HEMK2: variants seen among roughly 807,000 people sequenced by gnomAD.
The protein encoded by HEMK2 is methyltransferase HEMK2.
chr21:28,845,421 C>T, the HEMK2 span, among the ~76,000 whole-genome samples: 1 of 151,990 alleles, frequency 6.6e-6, no homozygotes, highest in Non-Finnish European at 1.5e-5. Context: ...AGCATTTATT[C>T]TTCAGTATAA....
the HEMK2 span, among the ~76,000 whole-genome samples, chr21:28,582,941 G>A: frequency 6.6e-6 from 1 of 152,092 alleles, no homozygotes; most frequent in Non-Finnish European, 1.5e-5. Flanking sequence ...AACCATCAGG[G>A]TTTTACAGAA....
At chr21:28,847,211 G>T in the HEMK2 span, among the ~76,000 whole-genome samples, 4 of 152,146 alleles carry the variant, frequency 2.6e-5, no homozygotes, top group African/African-American at 9.6e-5. Context: ...CGCTTTCCAC[G>T]GTGGCTGAAT....
At chr21:28,803,239 ATTAACC>A in the HEMK2 span, among the ~76,000 whole-genome samples, 2 of 152,200 alleles carry the variant, frequency 1.3e-5, no homozygotes, top group Non-Finnish European at 2.9e-5. Flanking sequence ...TTCCTAAGCA[ATTAACC>A]TGAATATATA....
chr21:28,580,213 A>T, the HEMK2 span, among the ~76,000 whole-genome samples: 1 of 152,258 alleles, frequency 6.6e-6, no homozygotes, highest in Admixed American at 6.5e-5. Context: ...CCTCTAAGAG[A>T]AGCAAGCCAT....
the HEMK2 span, among the ~76,000 whole-genome samples, chr21:28,623,595 CA>C: frequency 6.6e-6 from 1 of 152,182 alleles, no homozygotes; most frequent in Non-Finnish European, 1.5e-5. Flanking sequence ...AAATGCCCAT[CA>C]GTGATGGACT....
At chr21:28,725,804 C>T in the HEMK2 span, among the ~76,000 whole-genome samples, 1 of 152,188 alleles carries the variant, frequency 6.6e-6, no homozygotes, top group Non-Finnish European at 1.5e-5. Context: ...TTTCAAAAGA[C>T]ATTGTACCCC....
the HEMK2 span, among the ~76,000 whole-genome samples, chr21:28,641,874 T>C: frequency 6.6e-6 from 1 of 152,246 alleles, no homozygotes; most frequent in East Asian, 1.9e-4. Flanking sequence ...CAACCACTGC[T>C]TGGCTGTCAG....
the HEMK2 span, among the ~76,000 whole-genome samples, chr21:28,770,336 C>T: frequency 6.2e-4 from 95 of 152,178 alleles, 4 homozygotes; most frequent in South Asian, 0.018. Context: ...GTAATCAAGC[C>T]CCTTTACTTT....
the HEMK2 span, among the ~76,000 whole-genome samples, chr21:28,706,735 AATT>A: frequency 6.6e-6 from 1 of 152,148 alleles, no homozygotes; most frequent in Non-Finnish European, 1.5e-5. Flanking sequence ...CAGTTTATAA[AATT>A]ATTATTTGGA....
the HEMK2 span, among the ~76,000 whole-genome samples, chr21:28,775,503 G>A: frequency 3.9e-5 from 6 of 152,066 alleles, no homozygotes; most frequent in African/African-American, 1.2e-4. Flanking sequence ...TATGTAAATC[G>A]TAAGCTTTAG....
At chr21:28,847,706 C>A in the HEMK2 span, among the ~76,000 whole-genome samples, 2 of 152,168 alleles carry the variant, frequency 1.3e-5, no homozygotes, top group South Asian at 2.1e-4. Context: ...GGCCAATGTG[C>A]AAAATGCTAT....
chr21:28,700,218 C>A, the HEMK2 span, among the ~76,000 whole-genome samples: 1 of 152,146 alleles, frequency 6.6e-6, no homozygotes, highest in Non-Finnish European at 1.5e-5. Flanking sequence ...TTCTGCTTTG[C>A]CTCTCTAACT....
the HEMK2 span, among the ~76,000 whole-genome samples, chr21:28,735,621 G>A: frequency 3.3e-4 from 50 of 152,244 alleles, no homozygotes; most frequent in East Asian, 6.9e-3. Context: ...AATACAAAAC[G>A]ACTGGGGTTG....
the HEMK2 span, among the ~76,000 whole-genome samples, chr21:28,639,638 G>A: frequency 6.6e-6 from 1 of 152,150 alleles, no homozygotes; most frequent in Non-Finnish European, 1.5e-5. Context: ...ATAAATATTA[G>A]CATTATATTA....
At chr21:28,644,283 T>C in the HEMK2 span, among the ~76,000 whole-genome samples, 2 of 152,144 alleles carry the variant, frequency 1.3e-5, no homozygotes, top group African/African-American at 4.8e-5. Flanking sequence ...TCAGATCTCA[T>C]GAGAATTCAC....
chr21:28,727,239 G>C, the HEMK2 span, among the ~76,000 whole-genome samples: 4 of 152,180 alleles, frequency 2.6e-5, no homozygotes, highest in South Asian at 6.2e-4. Flanking sequence ...GTATTCCCTT[G>C]GGAAGGAGAT....
the HEMK2 span, among the ~76,000 whole-genome samples, chr21:28,743,696 C>A: frequency 0.23 from 34,778 of 152,070 alleles, 4,619 homozygotes; most frequent in African/African-American, 0.35. Flanking sequence ...CATCCCATCT[C>A]TGCCTATTAG....
the HEMK2 span, among the ~76,000 whole-genome samples, chr21:28,740,754 A>G: frequency 2.0e-5 from 3 of 152,204 alleles, no homozygotes; most frequent in South Asian, 2.1e-4. Flanking sequence ...GCTCAAGTCT[A>G]GATAGGCAAG....
the HEMK2 span, among the ~76,000 whole-genome samples, chr21:28,599,221 G>A: frequency 1.3e-5 from 2 of 152,198 alleles, no homozygotes; most frequent in African/African-American, 4.8e-5. Context: ...AAGTAGTGTT[G>A]TATTAGTCCG....
Sources: allele counts gnomAD v4.1 joint callset (sites outside exome capture counted in the v4.1 genomes callset), GRCh38; gene constraint gnomAD v4.1.1; transcripts MANE v1.5; gene names NCBI Gene and HGNC (gene_info 2026-07-23, HGNC 2026-07-21).